ECEL1: variants seen among roughly 807,000 people sequenced by gnomAD.
ECEL1 encodes endothelin converting enzyme like 1.
In ECEL1, 87 loss-of-function variants were observed where a neutral mutation model predicts 101.8. That is an observed-to-expected ratio of 0.85 (90% confidence interval 0.72 to 1.02). The LOEUF is 1.02. ECEL1 is among the 50% of genes least tolerant of loss of function. The pLI, the probability that ECEL1 is intolerant of heterozygous loss-of-function variation, is 0.00. For synonymous variants in ECEL1, 487 were observed against 468.7 expected (o/e 1.04, Z -0.50); for missense variants, 1,032 against 1,079.2 (o/e 0.96, Z 0.61).
chr2:232,487,563 C>T (rs1690764738), intron 1 of ECEL1, among the ~76,000 whole-genome samples, 156 bp downstream of exon 1: 1 of 151,934 alleles, frequency 6.6e-6, no homozygotes, highest in East Asian at 1.9e-4. Context: ...GTCCGCGGAG[C>T]CCGAGAGCCG....
intron 8 of ECEL1, 117 bp downstream of exon 8, chr2:232,483,299 G>A: frequency 6.5e-7 from 1 of 1,549,924 alleles, no homozygotes; most frequent in Non-Finnish European, 8.9e-7. Flanking sequence ...CACAGTGGGG[G>A]AGGCAGGCCT....
At chr2:232,484,665 G>C in intron 5 of ECEL1, 69 bp from the exon 6 acceptor site, 5 of 1,605,784 alleles carry the variant, frequency 3.1e-6, no homozygotes, top group Non-Finnish European at 4.3e-6. Context: ...GGAGGGGGCA[G>C]AGAGAGGCAG....
chr2:232,481,199 C>G, intron 14 of ECEL1, 43 bp from the exon 15 acceptor site: 1 of 1,546,964 alleles, frequency 6.5e-7, no homozygotes, highest in Non-Finnish European at 8.7e-7. Context: ...TGGGGCCCAG[C>G]TGGCCTCCCT....
chr2:232,483,949 G>C (rs1354555226), intron 7 of ECEL1, 52 bp downstream of exon 7: 1 of 1,543,448 alleles, frequency 6.5e-7, no homozygotes. Context: ...CCTCGGGAGG[G>C]CTCCACCCTC....
rs1445431391 is a variant in ECEL1 at position 232,481,174 on chromosome 2, G to A, written c.1990-18C>T. The A allele has an allele frequency of 1.3e-6, 2 of 1,557,154 alleles. No homozygotes were observed. Among genetic ancestry groups the A allele is most frequent in the Admixed American group, 1.9e-5 (1 of 51,878 alleles). The stretch of plus-strand genomic sequence containing the variant: ...CCGTTCACCTGCCGGGAAGGGAAGA[G>A]GCCAGGGGGCTGCTTGGGGCCCAGC... On this transcript the variant is annotated intron_variant, in intron 14 of 17. Transcript: ENST00000304546.
chr2:232,481,888 C>T, intron 12 of ECEL1, 39 bp from the exon 13 acceptor site: 3 of 1,611,950 alleles, frequency 1.9e-6, no homozygotes, highest in South Asian at 1.1e-5. Flanking sequence ...TAGCCCTCCA[C>T]CCTCTGAGAG....
intron 10 of ECEL1, 74 bp downstream of exon 10, chr2:232,482,777 A>G (rs1690615120): frequency 1.9e-6 from 3 of 1,573,720 alleles, no homozygotes; most frequent in Non-Finnish European, 2.6e-6. Context: ...TGGCTGTGAG[A>G]CGATTTGCCC....
In ECEL1 at chr2:232,482,459, C is replaced by T. The variant is rs1690604188; in HGVS notation, c.1755G>A (p.Ala585=). Residue 585 remains alanine, a synonymous_variant, in exon 12 of 18, where the codon GCG becomes GCA. Transcript: ENST00000304546. The part of the protein sequence containing the change: ...LPNKNQMVFP[A]GILQPTLYDP... ...CGTACAGGGTGGGCTGCAGGATGCC[C>T]GCGGGGAACACTACAAGAAGGGGGT... is the stretch of plus-strand genomic sequence containing the variant. 1.9e-6 allele frequency: 3 copies of T among 1,613,958 alleles called. No individual in the cohort carries two copies. Among genetic ancestry groups the T allele is most frequent in the Non-Finnish European group, 2.5e-6 (3 of 1,180,008 alleles).
At chr2:232,481,450 T>G in intron 14 of ECEL1, 56 bp downstream of exon 14, 1 of 1,561,036 alleles carries the variant, frequency 6.4e-7, no homozygotes, top group Non-Finnish European at 8.7e-7. Flanking sequence ...TGCGTGATGC[T>G]CCCGGCCCGT....
chr2:232,484,733 G>T, intron 5 of ECEL1, 68 bp downstream of exon 5: 1 of 1,607,340 alleles, frequency 6.2e-7, no homozygotes, highest in South Asian at 1.1e-5. Context: ...GGGGAGAGAT[G>T]ACCCTGTAGT....
At position 232,479,891 on chromosome 2, in the gene ECEL1, A is replaced by G. The variant is rs1258856921; in HGVS notation, c.*262T>C. 4.9e-5 allele frequency: 27 copies of G among 547,792 alleles called. No individual in the cohort carries two copies. Among genetic ancestry groups the G allele is most frequent in the Non-Finnish European group, 7.2e-5 (22 of 304,696 alleles). 33.9% of individuals were successfully genotyped at this position (547,792 alleles called of 1,614,324 possible). A position where few individuals can be genotyped will look rare whatever the true frequency, so the allele number is the denominator to read the frequency against. On this transcript the variant is annotated 3_prime_UTR_variant, in exon 18 of 18. Transcript: ENST00000304546. Reference sequence around the variant, plus strand: ...ACACAGCGAAGGTGGGGCCCGTACAATCCAGCCTGGCAGAGGGTCTGGCCC... The same window carrying G: ...ACACAGCGAAGGTGGGGCCCGTACAGTCCAGCCTGGCAGAGGGTCTGGCCC...
chr2:232,480,509 G>A (rs1403914735), intron 16 of ECEL1, 34 bp from the exon 17 acceptor site: 2 of 1,612,136 alleles, frequency 1.2e-6, no homozygotes, highest in Non-Finnish European at 1.7e-6. Context: ...GGGAGGAGGG[G>A]GAGATGAAGC....
At chr2:232,480,972 C>G in intron 15 of ECEL1, 119 bp downstream of exon 15, 1 of 1,417,094 alleles carries the variant, frequency 7.1e-7, no homozygotes, top group Non-Finnish European at 9.7e-7. Flanking sequence ...ATGCCCTGCC[C>G]CACCCCAGGC....
rs765601136 is a variant in ECEL1 at position 232,483,424 on chromosome 2, G to A, written c.1498C>T (p.Arg500Trp). The A allele has an allele frequency of 1.4e-5, 23 of 1,606,906 alleles. No homozygotes were observed. Among genetic ancestry groups the A allele is most frequent in the Admixed American group, 5.1e-5 (3 of 58,874 alleles). The change falls in exon 8 of 18, where the codon CGG becomes TGG. Residue 500 changes from arginine (R) to tryptophan (W), a missense_variant. Transcript: ENST00000304546. The part of the protein sequence containing the change: ...WMDAETRAAA[R>W]AKLQYMMVMV... The stretch of plus-strand genomic sequence containing the variant: ...ACTGGGTCCCCCCTCACCTTGGCCC[G>A]AGCAGCAGCCCTGGTCTCGGCGTCC...
Position 232,481,545 on chromosome 2 carries a change from G to T in ECEL1, c.1950C>A (p.Ile650=), listed in dbSNP as rs764405950. ...YSRFLRKAEC[I]VRLYDNFTVY... is the part of the protein sequence containing the mutation. Reference sequence around the variant, plus strand: ...CAGTGAAGTTGTCATAGAGACGGACGATGCACTCAGCCTTTCGCAGGAAGC... The same window carrying T: ...CAGTGAAGTTGTCATAGAGACGGACTATGCACTCAGCCTTTCGCAGGAAGC... Residue 650 remains isoleucine, a synonymous_variant, in exon 14 of 18, where the codon ATC becomes ATA. Coordinates refer to ENST00000304546, the MANE Select transcript of ECEL1 (RefSeq NM_004826.4). 1.2e-6 allele frequency: 2 copies of T among 1,613,680 alleles called. No individual in the cohort carries two copies.
chr2:232,485,983 G>A lies in ECEL1; in HGVS notation c.671C>T (p.Ala224Val). The change falls in exon 2 of 18, where the codon GCG becomes GTG. Residue 224 changes from alanine (A) to valine (V), a missense_variant. Ala to Val is a moderately conservative substitution (Grantham distance 64). Coordinates refer to ENST00000304546, the MANE Select transcript of ECEL1 (RefSeq NM_004826.4). ...GGAEERPGVA[A>V]RWDLNRLLYK... Reference sequence around the variant, plus strand: ...CAGCAGCCGGTTGAGGTCCCATCGCGCCGCGACCCCCGGACGCTCCTCCGC... The same window carrying A: ...CAGCAGCCGGTTGAGGTCCCATCGCACCGCGACCCCCGGACGCTCCTCCGC... The A allele has an allele frequency of 2.5e-6, 4 of 1,603,236 alleles. No individual in the cohort carries two copies. The highest frequency in any genetic ancestry group is 1.1e-5 in the South Asian group (1 of 89,554).
rs1690671936 is a variant in ECEL1, at chr2:232,484,581, G to A, written c.1075C>T (p.Leu359=). The change falls in exon 6 of 18, where the codon CTG becomes TTG. Residue 359 remains leucine, a synonymous_variant. Coordinates refer to ENST00000304546, the MANE Select transcript of ECEL1 (RefSeq NM_004826.4). ...TCCTCCTGGAAGATCTGGTCTAGCA[G>A]CCACTTCCACCGCAACTGTGAGACC... The part of the protein sequence containing the change: ...KITPHLRWKW[L]LDQIFQEDFS... The A allele has an allele frequency of 2.5e-6, 4 of 1,613,950 alleles. No individual in the cohort carries two copies. The East Asian group carries it at 6.7e-5, about 27-fold the overall frequency.
At position 232,484,865 on chromosome 2, in the gene ECEL1, C is replaced by A. The variant is rs1056230726; in HGVS notation, c.995G>T (p.Arg332Leu). The part of the protein sequence containing the change: ...NITVSEHDDL[R>L]RDVSSMYNKV... ...GTTGTACATGGAGCTGACATCTCGC[C>A]GTAGGTCGTCATGCTCTGACACAGT... Residue 332 changes from arginine (R) to leucine (L), a missense_variant, in exon 5 of 18, where the codon CGG (arginine) becomes CTG (leucine). Arg to Leu is a moderately radical substitution (Grantham distance 102). Coordinates refer to ENST00000304546, the MANE Select transcript of ECEL1 (RefSeq NM_004826.4). 3.1e-6 allele frequency: 5 copies of A among 1,613,872 alleles called. No homozygotes were observed. Among genetic ancestry groups the A allele is most frequent in the Non-Finnish European group, 4.2e-6 (5 of 1,179,966 alleles).
At chr2:232,482,289 T>G in intron 12 of ECEL1, 129 bp downstream of exon 12, 1 of 1,229,688 alleles carries the variant, frequency 8.1e-7, no homozygotes. Flanking sequence ...GGTCCACAGC[T>G]GTCCTGACTC....
Sources: allele counts gnomAD v4.1 joint callset (sites outside exome capture counted in the v4.1 genomes callset), GRCh38; gene constraint gnomAD v4.1.1; transcripts MANE v1.5; gene names NCBI Gene and HGNC (gene_info 2026-07-23, HGNC 2026-07-21).